PLEKHG1: variants seen among roughly 807,000 people sequenced by gnomAD.
The protein encoded by PLEKHG1 is pleckstrin homology domain-containing family G member 1.
Under a neutral mutation model 100.8 loss-of-function variants are expected in PLEKHG1, and 44 were observed. The ratio of observed to expected loss-of-function variants is 0.44; its 90% CI spans 0.34 to 0.56. The LOEUF (loss-of-function observed/expected upper bound fraction) is 0.56, where lower values mean the gene tolerates loss of function less well. Ranked by LOEUF, PLEKHG1 falls within the 20% of genes least tolerant of loss-of-function variation. PLEKHG1 has a pLI of 0.01. For synonymous variants in PLEKHG1, 640 were observed against 662.5 expected (o/e 0.97, Z 0.52); for missense variants, 1,545 against 1,720.9 (o/e 0.90, Z 1.81).
intron 2 of PLEKHG1, among the ~76,000 whole-genome samples, chr6:150,744,502 C>T (rs1015412351): frequency 6.6e-6 from 1 of 152,160 alleles, no homozygotes; most frequent in Non-Finnish European, 1.5e-5. Context: ...ATTTTTAAGA[C>T]TTGCACTCCC....
intron 2 of PLEKHG1, among the ~76,000 whole-genome samples, chr6:150,643,791 A>G (rs757532975): frequency 6.6e-6 from 1 of 152,174 alleles, no homozygotes; most frequent in Non-Finnish European, 1.5e-5. Context: ...AAACTCATGT[A>G]TCTACTGGTT....
intron 3 of PLEKHG1, among the ~76,000 whole-genome samples, chr6:150,658,689 G>A (rs1200409798): frequency 6.6e-6 from 1 of 152,044 alleles, no homozygotes; most frequent in African/African-American, 2.4e-5. Context: ...GGAAATGAAG[G>A]GATTTTAGTA....
intron 1 of PLEKHG1, among the ~76,000 whole-genome samples, chr6:150,604,179 G>A (rs906839772): frequency 7.9e-5 from 12 of 152,200 alleles, no homozygotes; most frequent in Admixed American, 2.6e-4. Flanking sequence ...TAAAACTTTA[G>A]TATTCTCATA....
At chr6:150,657,875 C>G (rs1380444689) in intron 3 of PLEKHG1, among the ~76,000 whole-genome samples, 1 of 152,182 alleles carries the variant, frequency 6.6e-6, no homozygotes, top group Admixed American at 6.5e-5. Context: ...ACCAGATGCG[C>G]CCAGTAGTGC....
intron 14 of PLEKHG1, among the ~76,000 whole-genome samples, chr6:150,823,886 C>T (rs928329206): frequency 6.6e-6 from 1 of 152,236 alleles, no homozygotes; most frequent in African/African-American, 2.4e-5. Flanking sequence ...CCCCAGCCCA[C>T]ATCTGAGAAC....
chr6:150,723,571 A>G (rs955668111), intron 1 of PLEKHG1, among the ~76,000 whole-genome samples: 1 of 152,210 alleles, frequency 6.6e-6, no homozygotes, highest in Non-Finnish European at 1.5e-5. Context: ...ATGATGTTAT[A>G]TAATCTCTGC....
chr6:150,831,858 C>T lies in PLEKHG1; in HGVS notation c.2747C>T (p.Pro916Leu), dbSNP rs143863053. The T allele has an allele frequency of 3.1e-6, 5 of 1,613,550 alleles. No individual in the cohort carries two copies. Among genetic ancestry groups the T allele is most frequent in the Admixed American group, 3.3e-5 (2 of 59,982 alleles). ...GGCAGAGCCAGCCGCGCCAACTGCC[C>T]CTTTGAGGAAGACCTGATTTCTAAA... The change falls in exon 15 of 16, where the codon CCC becomes CTC. Residue 916 changes from proline (P) to leucine (L), a missense_variant. Physicochemically the swap from Pro to Leu is moderately conservative, Grantham distance 98. Transcript: ENST00000358517. The surrounding 1 kb of genome is among the most constrained non-coding windows in gnomAD (Gnocchi z 4.1).
chr6:150,657,298 T>C (rs182831736), intron 3 of PLEKHG1, among the ~76,000 whole-genome samples: 1 of 152,274 alleles, frequency 6.6e-6, no homozygotes, highest in East Asian at 1.9e-4. Context: ...CTGTGAAGGA[T>C]ATGAAGGCAA....
intron 3 of PLEKHG1, among the ~76,000 whole-genome samples, chr6:150,681,732 T>G (rs1779941059): frequency 6.6e-6 from 1 of 152,032 alleles, no homozygotes; most frequent in South Asian, 2.1e-4. Flanking sequence ...CGGTGGTGTC[T>G]GAGAGAACCC....
At chr6:150,741,531 A>G (rs1488527558) in intron 2 of PLEKHG1, among the ~76,000 whole-genome samples, 1 of 152,212 alleles carries the variant, frequency 6.6e-6, no homozygotes, top group African/African-American at 2.4e-5. Flanking sequence ...ATTAGCAGCA[A>G]TTAATATTTG....
chr6:150,641,225 A>G (rs1461365426), intron 2 of PLEKHG1, among the ~76,000 whole-genome samples: 1 of 152,218 alleles, frequency 6.6e-6, no homozygotes. Flanking sequence ...TCTATATTCT[A>G]AATAAAATTA....
intron 6 of PLEKHG1, among the ~76,000 whole-genome samples, chr6:150,803,845 A>G (rs1263131740): frequency 6.6e-6 from 1 of 152,054 alleles, no homozygotes; most frequent in East Asian, 1.9e-4. Context: ...TAAATAAGGG[A>G]AAAAAATAAG....
At chr6:150,816,325 A>ATTT (rs1562546175) in intron 10 of PLEKHG1, among the ~76,000 whole-genome samples, 1 of 49,712 alleles carries the variant, frequency 2.0e-5, no homozygotes, top group African/African-American at 5.6e-5. Context: ...TCTCAAACAT[A>ATTT]CTTTTTTTTT....
intron 3 of PLEKHG1, among the ~76,000 whole-genome samples, chr6:150,682,388 G>A (rs190173923): frequency 4.6e-5 from 7 of 152,210 alleles, no homozygotes; most frequent in Admixed American, 4.6e-4. Flanking sequence ...TGCCGCATCT[G>A]TCAGAAGCCA....
intron 6 of PLEKHG1, among the ~76,000 whole-genome samples, 163 bp downstream of exon 7, chr6:150,801,032 A>G (rs1786669893): frequency 6.6e-6 from 1 of 152,214 alleles, no homozygotes; most frequent in African/African-American, 2.4e-5. Context: ...GGAGATATTT[A>G]TATTCTAGGC....
intron 10 of PLEKHG1, among the ~76,000 whole-genome samples, chr6:150,811,948 C>G (rs938114111): frequency 6.6e-6 from 1 of 152,166 alleles, no homozygotes; most frequent in Admixed American, 6.5e-5. Flanking sequence ...AACCCACCAC[C>G]ATGGCCTAGA....
At position 150,744,639 on chromosome 6, in the gene PLEKHG1, A is replaced by G. The variant is rs968130816; in HGVS notation, c.411+10547A>G. ...CCTTTACTTGTGGTACAGTTTTCAAATTACCAAGAACTTTGTGGCCATAGT... is the reference window on the plus strand; with the variant it reads ...CCTTTACTTGTGGTACAGTTTTCAAGTTACCAAGAACTTTGTGGCCATAGT... On this transcript the variant is annotated intron_variant, in intron 2 of 15. Transcript: ENST00000358517. Among the ~76,000 whole-genome samples, 8 of 152,170 alleles carry G rather than the reference A, an allele frequency of 5.3e-5. No individual in the cohort carries two copies. The South Asian group carries it at 1.7e-3, about 32-fold the overall frequency.
chr6:150,779,841 C>T (rs1785210200), intron 3 of PLEKHG1, among the ~76,000 whole-genome samples: 1 of 151,600 alleles, frequency 6.6e-6, no homozygotes, highest in African/African-American at 2.4e-5. Context: ...TGACACGTGC[C>T]TGTAGTCCCA....
chr6:150,699,788 T>C (rs1301873913), intron 3 of PLEKHG1, among the ~76,000 whole-genome samples: 1 of 152,234 alleles, frequency 6.6e-6, no homozygotes, highest in African/African-American at 2.4e-5. Flanking sequence ...ATGAAGGCCA[T>C]GGATCCTCTT....
Sources: allele counts gnomAD v4.1 joint callset (sites outside exome capture counted in the v4.1 genomes callset), GRCh38; gene constraint gnomAD v4.1.1; non-coding constraint Gnocchi (gnomAD v3.1); transcripts MANE v1.5; gene names NCBI Gene and HGNC (gene_info 2026-07-23, HGNC 2026-07-21).